FAM162B: variants seen among roughly 807,000 people sequenced by gnomAD.
FAM162B encodes the protein family with sequence similarity 162 member B.
FAM162B carries 16 observed loss-of-function variants against 20.0 expected under a neutral mutation model. The observed-to-expected ratio is 0.80, with a 90% confidence interval of 0.54 to 1.21. The LOEUF (loss-of-function observed/expected upper bound fraction) is 1.21. Ranked by LOEUF, FAM162B falls within the 50% of genes most tolerant of loss-of-function variation. FAM162B has a pLI of 0.00. For missense variants in FAM162B, 260 were observed against 227.5 expected (o/e 1.14, Z -0.92); for synonymous variants, 83 against 89.7 (o/e 0.93, Z 0.42).
At position 116,752,858 on chromosome 6, in the gene FAM162B, A is replaced by G. The variant is rs550169770; in HGVS notation, c.391-163T>C. Among the ~76,000 whole-genome samples, 16 of 151,658 alleles carry G rather than the reference A, an allele frequency of 1.1e-4. No homozygotes were observed. In the South Asian group the frequency reaches 1.2e-3, roughly 12 times the overall value. On this transcript the variant is annotated intron_variant, in intron 3 of 3. Transcript: ENST00000368557. Reference sequence around the variant, plus strand: ...AGGGAATAGAATTAGAAGTTCTAACATATGTTAATAATGGGAAGAGAGAAC... The same window carrying G: ...AGGGAATAGAATTAGAAGTTCTAACGTATGTTAATAATGGGAAGAGAGAAC...
intron 2 of FAM162B, among the ~76,000 whole-genome samples, chr6:116,763,489 T>A (rs916220903): frequency 3.3e-5 from 5 of 152,158 alleles, no homozygotes; most frequent in African/African-American, 1.2e-4. Flanking sequence ...AATACTCAAA[T>A]ACTTTTATGT....
chr6:116,759,302 T>A lies in FAM162B; in HGVS notation c.390+2675A>T, dbSNP rs571665230. Among the ~76,000 whole-genome samples, 557 of 149,810 alleles carry A rather than the reference T, an allele frequency of 3.7e-3. 18 individuals are homozygous for A. Among genetic ancestry groups the A allele is most frequent in the Admixed American group, 0.028 (416 of 15,100 alleles). ...TCCTTATTTCTAATCTTTCTTTCTT[T>A]TTTTTTTTTTTTTTATTTTTTGAGA... On this transcript the variant is annotated intron_variant, in intron 3 of 3. Coordinates refer to ENST00000368557, the MANE Select transcript of FAM162B (RefSeq NM_001085480.3).
intron 3 of FAM162B, among the ~76,000 whole-genome samples, chr6:116,761,056 G>A (rs569855924): frequency 3.3e-5 from 5 of 152,328 alleles, no homozygotes; most frequent in Admixed American, 6.5e-5. Context: ...GCCACGATGA[G>A]GAGGGGCACT....
intron 3 of FAM162B, among the ~76,000 whole-genome samples, chr6:116,753,939 G>A (rs1434171184): frequency 1.3e-5 from 2 of 152,146 alleles, no homozygotes; most frequent in African/African-American, 2.4e-5. Flanking sequence ...CGAAGAAACC[G>A]TTTCATAAAA....
chr6:116,762,838 G>A (rs1345755394), intron 2 of FAM162B, among the ~76,000 whole-genome samples: 1 of 151,650 alleles, frequency 6.6e-6, no homozygotes, highest in Non-Finnish European at 1.5e-5. Context: ...CATGCCTGTG[G>A]GACTTTTACG....
chr6:116,758,905 C>T (rs1287155576), intron 3 of FAM162B, among the ~76,000 whole-genome samples: 1 of 152,070 alleles, frequency 6.6e-6, no homozygotes, highest in East Asian at 1.9e-4. Flanking sequence ...TATGTCAGTA[C>T]TGCAGTTTTA....
In FAM162B at chr6:116,752,563, T is replaced by A. The variant is rs748170017; in HGVS notation, c.*34A>T. 1 of 1,178,606 alleles carries A rather than the reference T, an allele frequency of 8.5e-7. No homozygotes were observed. Among genetic ancestry groups the A allele is most frequent in the Non-Finnish European group, 1.2e-6 (1 of 834,096 alleles). The allele number at this position is 1,178,606 out of a possible 1,614,324, so 73.0% of individuals were successfully genotyped here. ...CTTCTACTGTTGCTGATGACAGGGA[T>A]GGTATTCAGGTGAACACTTTGTCAC... On this transcript the variant is annotated 3_prime_UTR_variant, in exon 4 of 4. Transcript: ENST00000368557.
Position 116,765,704 on chromosome 6 carries a change from T to C in FAM162B, c.-128A>G, listed in dbSNP as rs921632847. ...GCCTGGGACGTGCAGCTGGAACCCC[T>C]GGCGCTCGCACACTCAGCTCGCTAT... On this transcript the variant is annotated 5_prime_UTR_variant, in exon 1 of 4. Transcript: ENST00000368557. 57 of 1,082,818 alleles carry C rather than the reference T, an allele frequency of 5.3e-5. No homozygotes were observed. Among genetic ancestry groups the C allele is most frequent in the Non-Finnish European group, 6.3e-5 (54 of 852,978 alleles). 67.1% of individuals were successfully genotyped at this position (1,082,818 alleles called of 1,614,324 possible). A position where few individuals can be genotyped will look rare whatever the true frequency, so the allele number is the denominator to read the frequency against.
At chr6:116,758,629 T>C (rs992578867) in intron 3 of FAM162B, among the ~76,000 whole-genome samples, 1 of 152,218 alleles carries the variant, frequency 6.6e-6, no homozygotes, top group Non-Finnish European at 1.5e-5. Context: ...TTGTTCTATA[T>C]TTAGAAATGT....
At chr6:116,760,166 G>A (rs1780123410) in intron 3 of FAM162B, among the ~76,000 whole-genome samples, 1 of 152,166 alleles carries the variant, frequency 6.6e-6, no homozygotes, top group Non-Finnish European at 1.5e-5. Flanking sequence ...GTGTATTAAT[G>A]ATTTAAAATC....
chr6:116,765,560 C>A lies in FAM162B; in HGVS notation c.17G>T (p.Gly6Val). 1.5e-6 allele frequency: 2 copies of A among 1,374,934 alleles called. No homozygotes were observed. The highest frequency in any genetic ancestry group is 1.9e-6 in the Non-Finnish European group (2 of 1,072,914). 85.2% of individuals were successfully genotyped at this position (1,374,934 alleles called of 1,614,324 possible). The change falls in exon 1 of 4, where the codon GGG (glycine) becomes GTG (valine). Residue 6 changes from glycine (G) to valine (V), a missense_variant. Transcript: ENST00000368557. ...CCCGCGGCCAAGGCGCAGTAGGCTCCCGACCGCCCTGAGCATGCTGCCCGC... is the reference window on the plus strand; with the variant it reads ...CCCGCGGCCAAGGCGCAGTAGGCTCACGACCGCCCTGAGCATGCTGCCCGC... MLRAV[G>V]SLLRLGRGLT...
chr6:116,756,933 C>T (rs1181869520), intron 3 of FAM162B, among the ~76,000 whole-genome samples: 1 of 152,094 alleles, frequency 6.6e-6, no homozygotes, highest in African/African-American at 2.4e-5. Context: ...CATTTCAATA[C>T]CATTAGAATA....
At chr6:116,754,042 G>T (rs1289624430) in intron 3 of FAM162B, among the ~76,000 whole-genome samples, 2 of 152,176 alleles carry the variant, frequency 1.3e-5, no homozygotes, top group African/African-American at 4.8e-5. Context: ...CCAACAAAGG[G>T]TAAGTGAAAA....
At chr6:116,765,293 C>T (rs2114555373) in intron 1 of FAM162B, 38 bp from the exon 2 acceptor site, 2 of 1,604,018 alleles carry the variant, frequency 1.2e-6, no homozygotes. Context: ...CGGGAACTGA[C>T]GCACCGGCAC....
chr6:116,754,511 C>G (rs902403663), intron 3 of FAM162B, among the ~76,000 whole-genome samples: 1 of 152,032 alleles, frequency 6.6e-6, no homozygotes, highest in Non-Finnish European at 1.5e-5. Flanking sequence ...CACATTTCAT[C>G]TTTTTTTAAA....
intron 2 of FAM162B, among the ~76,000 whole-genome samples, chr6:116,763,766 ACTTAT>A (rs1368864069): frequency 1.5e-5 from 2 of 129,314 alleles, no homozygotes; most frequent in African/African-American, 2.9e-5. Context: ...GTGGTGGCTT[ACTTAT>A]TTTAATTTTT....
At chr6:116,759,766 T>C (rs1780116747) in intron 3 of FAM162B, among the ~76,000 whole-genome samples, 1 of 152,208 alleles carries the variant, frequency 6.6e-6, no homozygotes, top group Non-Finnish European at 1.5e-5. Flanking sequence ...GGACTCTCCC[T>C]GTCTCATACC....
chr6:116,757,815 A>G (rs1257268398), intron 3 of FAM162B, among the ~76,000 whole-genome samples: 2 of 151,850 alleles, frequency 1.3e-5, no homozygotes, highest in South Asian at 2.1e-4. Context: ...TGATAGGTCA[A>G]TGAAGATGAG....
In FAM162B at chr6:116,752,435, CA is replaced by C. The variant is rs1398986115; in HGVS notation, c.*161del. 3 of 303,076 alleles carry C rather than the reference CA, an allele frequency of 9.9e-6. No homozygotes were observed. In the Admixed American group the frequency reaches 1.3e-4, roughly 13 times the overall value. 18.8% of individuals were successfully genotyped at this position (303,076 alleles called of 1,614,324 possible). ...CACTTTTTGAATGCATGGTATACTTCAGTAAAAGTTTACTAAAAAATAAAAA... is the reference window on the plus strand; with the variant it reads ...CACTTTTTGAATGCATGGTATACTTCGTAAAAGTTTACTAAAAAATAAAAA... On this transcript the variant is annotated 3_prime_UTR_variant, in exon 4 of 4. Transcript: ENST00000368557.
Sources: gnomAD v4.1 joint callset for allele counts (sites outside exome capture counted in the v4.1 genomes callset) on GRCh38, gnomAD v4.1.1 for gene constraint, MANE v1.5 for transcripts, NCBI Gene and HGNC (gene_info 2026-07-23, HGNC 2026-07-21) for gene names.